ANXA8: variants seen among roughly 807,000 people sequenced by gnomAD.
The protein encoded by ANXA8 is annexin A8, also known as VAC-beta.
ANXA8 carries 9 observed loss-of-function variants against 26.8 expected under a neutral mutation model. The ratio of observed to expected loss-of-function variants is 0.34; its 90% CI spans 0.20 to 0.59. ANXA8 has a LOEUF of 0.59. ANXA8 is among the 20% of genes least tolerant of loss of function. The pLI, the probability that ANXA8 is intolerant of heterozygous loss-of-function variation, is 0.84. For missense variants in ANXA8, 83 were observed against 238.5 expected (o/e 0.35, Z 4.29); for synonymous variants, 39 against 94.8 (o/e 0.41, Z 3.42).
the ANXA8 span, among the ~76,000 whole-genome samples, chr10:47,912,328 C>T: frequency 7.2e-6 from 1 of 138,552 alleles, no homozygotes; most frequent in East Asian, 2.4e-4. Flanking sequence ...AGTGAGAAAA[C>T]TGGCTCCCAA....
chr10:47,982,055 A>C, the ANXA8 span, among the ~76,000 whole-genome samples: 1 of 150,686 alleles, frequency 6.6e-6, no homozygotes, highest in Non-Finnish European at 1.5e-5. Context: ...TTGGGAGGCT[A>C]AGTTGGGAGG....
chr10:47,623,375 A>T, the ANXA8 span, among the ~76,000 whole-genome samples: 6 of 112,718 alleles, frequency 5.3e-5, 1 homozygote, highest in East Asian at 1.3e-3. Context: ...ACTTTAAAAA[A>T]ATATATCATC....
the ANXA8 span, among the ~76,000 whole-genome samples, chr10:47,704,835 G>C: frequency 6.6e-5 from 10 of 151,912 alleles, no homozygotes; most frequent in Non-Finnish European, 7.4e-5. Context: ...CCTAAAAAAG[G>C]AAAAATTTTT....
At chr10:47,681,153 A>C in the ANXA8 span, among the ~76,000 whole-genome samples, 1 of 151,842 alleles carries the variant, frequency 6.6e-6, no homozygotes, top group Non-Finnish European at 1.5e-5. Context: ...TAGCAGGTGG[A>C]GGTGGAGAAA....
chr10:47,937,049 G>A, the ANXA8 span, among the ~76,000 whole-genome samples: 3 of 148,656 alleles, frequency 2.0e-5, no homozygotes, highest in Non-Finnish European at 4.5e-5. Context: ...CAGGCACCTT[G>A]AGGGATGTTG....
At chr10:47,779,149 C>T in the ANXA8 span, among the ~76,000 whole-genome samples, 4 of 132,752 alleles carry the variant, frequency 3.0e-5, no homozygotes, top group Non-Finnish European at 6.3e-5. Flanking sequence ...GCAAAGGGAG[C>T]TTCTTTCAGC....
chr10:47,566,435 T>G, the ANXA8 span, among the ~76,000 whole-genome samples: 407 of 149,772 alleles, frequency 2.7e-3, 8 homozygotes, highest in African/African-American at 9.5e-3. Flanking sequence ...AGAAACCCCC[T>G]TCTTCCCCCA....
the ANXA8 span, among the ~76,000 whole-genome samples, chr10:47,650,339 A>G: frequency 6.9e-6 from 1 of 145,656 alleles, no homozygotes; most frequent in Non-Finnish European, 1.5e-5. Flanking sequence ...GAGCCACTGC[A>G]CCTGGCCAAA....
chr10:47,559,868 C>G, the ANXA8 span, among the ~76,000 whole-genome samples: 13 of 151,860 alleles, frequency 8.6e-5, 1 homozygote, highest in Non-Finnish European at 7.4e-5. Flanking sequence ...CCTGTACTTC[C>G]ATTCACTGAA....
chr10:47,500,328 C>T, the ANXA8 span, among the ~76,000 whole-genome samples: 13 of 129,432 alleles, frequency 1.0e-4, no homozygotes, highest in Middle Eastern at 7.6e-3. Flanking sequence ...TAGAGGCTGC[C>T]GGCTCTGCTC....
the ANXA8 span, among the ~76,000 whole-genome samples, chr10:47,514,178 T>G: frequency 4.2e-5 from 6 of 143,608 alleles, no homozygotes; most frequent in Non-Finnish European, 7.6e-5. Context: ...CAAATTACAA[T>G]TACAAAAATA....
At chr10:47,966,980 C>T in the ANXA8 span, among the ~76,000 whole-genome samples, 1 of 148,832 alleles carries the variant, frequency 6.7e-6, no homozygotes, top group Non-Finnish European at 1.5e-5. Flanking sequence ...TTCCCCATGA[C>T]CCTAAAATTT....
At chr10:47,991,776 T>C in the ANXA8 span, 13 of 1,609,228 alleles carry the variant, frequency 8.1e-6, no homozygotes, top group Non-Finnish European at 9.3e-6. Flanking sequence ...TCCACATGTC[T>C]GGCTCCTGCA....
At chr10:47,474,218 A>G in intron 8 of ANXA8, 87 bp downstream of exon 8, 1 of 1,459,340 alleles carries the variant, frequency 6.9e-7, no homozygotes, top group Middle Eastern at 2.4e-4. Flanking sequence ...CCCTAACTCT[A>G]GACTTGACAA....
the ANXA8 span, among the ~76,000 whole-genome samples, chr10:47,974,068 A>T: frequency 2.7e-5 from 4 of 150,896 alleles, no homozygotes; most frequent in South Asian, 8.4e-4. Flanking sequence ...AGAATTACTC[A>T]CAGTATTTTC....
At chr10:47,981,130 A>G in the ANXA8 span, among the ~76,000 whole-genome samples, 3 of 151,822 alleles carry the variant, frequency 2.0e-5, no homozygotes, top group African/African-American at 7.2e-5. Context: ...TATTTCAGGA[A>G]TGCAAAGTTG....
At chr10:47,589,713 C>A in the ANXA8 span, among the ~76,000 whole-genome samples, 4 of 144,704 alleles carry the variant, frequency 2.8e-5, no homozygotes, top group African/African-American at 2.9e-5. Context: ...CTTCACTCCC[C>A]TGAAAAAAAT....
At chr10:47,648,048 G>A in the ANXA8 span, among the ~76,000 whole-genome samples, 1 of 151,870 alleles carries the variant, frequency 6.6e-6, no homozygotes, top group Non-Finnish European at 1.5e-5. Context: ...GGAGAGATAT[G>A]TTCCAACTGC....
upstream of ANXA8, among the ~76,000 whole-genome samples, chr10:47,487,694 G>T (rs1466235586): frequency 2.7e-5 from 4 of 147,222 alleles, no homozygotes; most frequent in Admixed American, 2.7e-4. Context: ...TTTTTATATT[G>T]GGTTGTTATA....
Sources: allele counts gnomAD v4.1 joint callset (sites outside exome capture counted in the v4.1 genomes callset), GRCh38; gene constraint gnomAD v4.1.1; transcripts MANE v1.5; gene names NCBI Gene and HGNC (gene_info 2026-07-23, HGNC 2026-07-21).